Variants in UPP2 observed in about 807,000 individuals in gnomAD.
The protein encoded by UPP2 is UPase 2.
Under a neutral mutation model 26.7 loss-of-function variants are expected in UPP2, and 23 were observed. The ratio of observed to expected loss-of-function variants is 0.86; its 90% CI spans 0.62 to 1.22. UPP2 has a LOEUF of 1.22. Ranked by LOEUF, UPP2 falls within the 50% of genes most tolerant of loss-of-function variation. UPP2 has a pLI of 0.00. For missense variants in UPP2, 387 were observed against 396.7 expected (o/e 0.98, Z 0.21); for synonymous variants, 127 against 141.3 (o/e 0.90, Z 0.72).
chr2:158,113,080 T>C (rs953021951), intron 2 of UPP2, among the ~76,000 whole-genome samples: 1 of 152,150 alleles, frequency 6.6e-6, no homozygotes, highest in Non-Finnish European at 1.5e-5. Flanking sequence ...GTGAGTCTGG[T>C]TTAGGAGTAA....
chr2:158,007,451 C>T (rs928910357), intron 2 of UPP2, among the ~76,000 whole-genome samples: 2 of 151,650 alleles, frequency 1.3e-5, no homozygotes, highest in African/African-American at 4.9e-5. Context: ...ATCTTGCCCA[C>T]TTCTCAGGTG....
At chr2:158,011,028 G>A (rs1269256645) in intron 2 of UPP2, among the ~76,000 whole-genome samples, 1 of 152,098 alleles carries the variant, frequency 6.6e-6, no homozygotes, top group Non-Finnish European at 1.5e-5. Flanking sequence ...ACCTCCCAAA[G>A]TGTTGGGATT....
chr2:158,017,396 A>T (rs16842413), intron 3 of UPP2, among the ~76,000 whole-genome samples: 17,019 of 152,012 alleles, frequency 0.11, 1,274 homozygotes, highest in East Asian at 0.29. Context: ...AAGTCATCTT[A>T]GTACTTATAT....
chr2:158,128,890 T>G (rs187558123), intron 6 of UPP2, among the ~76,000 whole-genome samples: 1 of 152,276 alleles, frequency 6.6e-6, no homozygotes, highest in East Asian at 1.9e-4. Context: ...AAGCAGATAC[T>G]TATTTTATAG....
chr2:158,029,668 G>A (rs1401663842), intron 3 of UPP2, among the ~76,000 whole-genome samples: 1 of 147,220 alleles, frequency 6.8e-6, no homozygotes, highest in African/African-American at 2.6e-5. Context: ...TACCTATAAG[G>A]CAAAGTTTTT....
chr2:158,075,174 C>T (rs1188974720), intron 3 of UPP2, among the ~76,000 whole-genome samples: 1 of 152,024 alleles, frequency 6.6e-6, no homozygotes, highest in East Asian at 1.9e-4. Context: ...ACAGTAATAG[C>T]TGAAGATTTC....
intron 2 of UPP2, among the ~76,000 whole-genome samples, chr2:158,008,505 A>G (rs1466703664): frequency 6.6e-6 from 1 of 152,192 alleles, no homozygotes. Flanking sequence ...TTAAACACAC[A>G]GTTGTTTGAG....
At chr2:158,020,071 C>G (rs1683724976) in intron 3 of UPP2, among the ~76,000 whole-genome samples, 1 of 152,156 alleles carries the variant, frequency 6.6e-6, no homozygotes, top group South Asian at 2.1e-4. Flanking sequence ...GCTTGAAAGG[C>G]CCAGACTTGC....
At chr2:157,998,327 T>G (rs559087120) in intron 2 of UPP2, among the ~76,000 whole-genome samples, 1 of 152,296 alleles carries the variant, frequency 6.6e-6, no homozygotes, top group East Asian at 1.9e-4. Context: ...CCTCGAAGAC[T>G]TTCCCTTCAC....
intron 2 of UPP2, among the ~76,000 whole-genome samples, chr2:158,107,672 A>G (rs566113657): frequency 1.3e-5 from 2 of 152,264 alleles, no homozygotes; most frequent in South Asian, 4.1e-4. Flanking sequence ...GAAAGAAAAA[A>G]AGATGGGAAA....
chr2:158,112,442 C>A lies in UPP2; in HGVS notation c.181-2659C>A, dbSNP rs543815639. ...TTAGATCCCTATCTCACACCATATT[C>A]AAAAATTAACTCAAAATGGATGAAA... On this transcript the variant is annotated intron_variant, in intron 2 of 6. Transcript: ENST00000005756. Among the ~76,000 whole-genome samples, 19 of 152,112 alleles carry A rather than the reference C, an allele frequency of 1.2e-4. 1 individual carries two copies. The South Asian group carries it at 3.5e-3, about 28-fold the overall frequency.
rs186846644 is a variant in UPP2 at position 158,102,368 on chromosome 2, T to C, written c.62+243T>C. 1.6e-4 allele frequency among the ~76,000 whole-genome samples: 24 copies of C among 152,228 alleles called. 1 individual carries two copies. In the East Asian group the frequency reaches 4.1e-3, roughly 26 times the overall value. On this transcript the variant is annotated intron_variant, in intron 1 of 6. Coordinates refer to ENST00000005756, the MANE Select transcript of UPP2 (RefSeq NM_173355.4). ...TAAGAAAATGGGGCAAAATAAATTA[T>C]AAAAAACATGCAAAAGTTTAGCCAA...
intron 6 of UPP2, among the ~76,000 whole-genome samples, chr2:158,130,465 A>AAC (rs1553471685): frequency 4.0e-5 from 6 of 148,356 alleles, no homozygotes; most frequent in South Asian, 2.1e-4. Context: ...AAAAAAACAA[A>AAC]AAAAAAAAAC....
At chr2:158,048,358 C>T (rs186408094) in intron 3 of UPP2, among the ~76,000 whole-genome samples, 3 of 152,306 alleles carry the variant, frequency 2.0e-5, no homozygotes, top group Admixed American at 1.3e-4. Flanking sequence ...GTGATCCCAG[C>T]ACTTTGGGAG....
At chr2:158,038,553 A>G (rs1684037642) in intron 3 of UPP2, among the ~76,000 whole-genome samples, 1 of 152,222 alleles carries the variant, frequency 6.6e-6, no homozygotes, top group African/African-American at 2.4e-5. Flanking sequence ...ATTTTTTTCC[A>G]GTTCAGTTAT....
rs561347081 is a variant in UPP2, at chr2:158,117,873, A to G, written c.389A>G (p.Lys130Arg). Residue 130 changes from lysine (K) to arginine (R), a missense_variant, in exon 4 of 7, where the codon AAA (lysine) becomes AGA (arginine). Physicochemically the swap from Lys to Arg is conservative, Grantham distance 26. Coordinates refer to ENST00000005756, the MANE Select transcript of UPP2 (RefSeq NM_173355.4). ...SISIMLHELIKLLHHARCCDV... is the reference protein window; with the variant it reads ...SISIMLHELIRLLHHARCCDV... ...TCTATTATGCTTCATGAACTCATCA[A>G]ATTACTCCACCATGCACGGTGCTGC... 1.7e-5 allele frequency: 27 copies of G among 1,613,294 alleles called. No homozygotes were observed. In the African/African-American group the frequency reaches 3.5e-4, roughly 21 times the overall value.
upstream of UPP2, chr2:158,101,747 A>AAGCTAACC: frequency 1.3e-6 from 1 of 777,348 alleles, no homozygotes; most frequent in Non-Finnish European, 1.6e-6. Flanking sequence ...AATAGTTAAC[A>AAGCTAACC]AGCTAACCAA....
intron 3 of UPP2, among the ~76,000 whole-genome samples, chr2:158,037,065 C>T (rs1358345424): frequency 2.0e-5 from 3 of 152,146 alleles, no homozygotes; most frequent in Non-Finnish European, 2.9e-5. Context: ...TCTGACTTGA[C>T]ATAAAGGATA....
chr2:158,087,964 G>A (rs1021920791), intron 3 of UPP2, among the ~76,000 whole-genome samples: 4 of 152,104 alleles, frequency 2.6e-5, no homozygotes, highest in African/African-American at 9.7e-5. Flanking sequence ...CTATGCTGAG[G>A]TGATAGTCTT....
Sources: gnomAD v4.1 joint callset for allele counts (sites outside exome capture counted in the v4.1 genomes callset) on GRCh38, gnomAD v4.1.1 for gene constraint, MANE v1.5 for transcripts, NCBI Gene and HGNC (gene_info 2026-07-23, HGNC 2026-07-21) for gene names.